Variants in CCSER1 observed in about 807,000 individuals in gnomAD.
CCSER1 encodes coiled-coil serine rich protein 1, also known as serine-rich coiled-coil domain-containing protein 1.
In CCSER1, 41 loss-of-function variants were observed where a neutral mutation model predicts 82.0. The ratio of observed to expected loss-of-function variants is 0.50; its 90% CI spans 0.39 to 0.65. The LOEUF (loss-of-function observed/expected upper bound fraction) is 0.65. Ranked by LOEUF, CCSER1 falls within the 30% of genes least tolerant of loss-of-function variation. The pLI, the probability that CCSER1 is intolerant of heterozygous loss-of-function variation, is 0.00. For missense variants in CCSER1, 1,119 were observed against 1,064.2 expected, an observed-to-expected ratio of 1.05 and a Z score of -0.72; for synonymous variants, 414 against 383.9, an observed-to-expected ratio of 1.08 and a Z score of -0.92.
intron 10 of CCSER1, among the ~76,000 whole-genome samples, chr4:91,224,594 T>G (rs147764078): frequency 1.2e-4 from 18 of 152,210 alleles, no homozygotes; most frequent in African/African-American, 4.1e-4. Context: ...TTATTTAATC[T>G]TATCTATATG....
chr4:91,460,461 C>A (rs1217306326), intron 10 of CCSER1, among the ~76,000 whole-genome samples: 1 of 152,002 alleles, frequency 6.6e-6, no homozygotes, highest in African/African-American at 2.4e-5. Flanking sequence ...CGATATGCCA[C>A]AAAGATTAGA....
At chr4:90,795,659 G>T (rs1205930166) in intron 7 of CCSER1, among the ~76,000 whole-genome samples, 1 of 152,074 alleles carries the variant, frequency 6.6e-6, no homozygotes, top group Admixed American at 6.6e-5. Context: ...ATTATTTTTA[G>T]GTATGTTCCT....
At chr4:90,807,983 C>T (rs1757745512) in intron 7 of CCSER1, among the ~76,000 whole-genome samples, 1 of 152,082 alleles carries the variant, frequency 6.6e-6, no homozygotes, top group Non-Finnish European at 1.5e-5. Context: ...CATCATATTA[C>T]TTCAAATTTT....
chr4:90,128,504 T>C (rs1312920343), intron 1 of CCSER1, among the ~76,000 whole-genome samples: 1 of 151,390 alleles, frequency 6.6e-6, no homozygotes, highest in African/African-American at 2.4e-5. Context: ...CGTGTGTGTG[T>C]GTGTGTGTGT....
chr4:91,326,307 T>C (rs942882434), intron 10 of CCSER1, among the ~76,000 whole-genome samples: 9 of 152,094 alleles, frequency 5.9e-5, no homozygotes, highest in Admixed American at 2.0e-4. Context: ...CTCAGGAAAC[T>C]TACAATCATG....
intron 5 of CCSER1, among the ~76,000 whole-genome samples, chr4:90,605,182 A>G (rs1414870674): frequency 6.6e-6 from 1 of 152,168 alleles, no homozygotes; most frequent in Non-Finnish European, 1.5e-5. Flanking sequence ...ATACGTTGGA[A>G]CATTAGAAGT....
At chr4:90,791,506 C>T (rs72663615) in intron 7 of CCSER1, among the ~76,000 whole-genome samples, 1 of 152,228 alleles carries the variant, frequency 6.6e-6, no homozygotes, top group Non-Finnish European at 1.5e-5. Context: ...GAGTACAACT[C>T]TTTGAAGGTT....
chr4:91,232,708 C>G (rs1044718682), intron 10 of CCSER1, among the ~76,000 whole-genome samples: 5 of 151,544 alleles, frequency 3.3e-5, no homozygotes, highest in Admixed American at 2.0e-4. Flanking sequence ...AAATAAAATA[C>G]TTGTATAAAG....
chr4:91,501,240 TTTTA>T (rs1354053950), intron 10 of CCSER1, among the ~76,000 whole-genome samples: 1 of 151,866 alleles, frequency 6.6e-6, no homozygotes, highest in Non-Finnish European at 1.5e-5. Flanking sequence ...TAGAATTTCT[TTTTA>T]TTTATGATCC....
intron 8 of CCSER1, among the ~76,000 whole-genome samples, chr4:90,835,664 C>CT (rs1445204574): frequency 1.3e-5 from 2 of 151,988 alleles, no homozygotes; most frequent in African/African-American, 4.8e-5. Context: ...ACATCTAATG[C>CT]TTTGTTCAAT....
intron 3 of CCSER1, among the ~76,000 whole-genome samples, chr4:90,363,424 G>A (rs1457792975): frequency 6.6e-6 from 1 of 152,072 alleles, no homozygotes; most frequent in Non-Finnish European, 1.5e-5. Context: ...ACATAAATTG[G>A]TGAATGAATA....
At chr4:91,034,214 T>C (rs1741236677) in intron 9 of CCSER1, among the ~76,000 whole-genome samples, 1 of 152,220 alleles carries the variant, frequency 6.6e-6, no homozygotes, top group African/African-American at 2.4e-5. Flanking sequence ...ACATTCAAGA[T>C]GATAGGAGGA....
At chr4:90,528,651 G>A (rs953318314) in intron 5 of CCSER1, among the ~76,000 whole-genome samples, 7 of 152,078 alleles carry the variant, frequency 4.6e-5, no homozygotes, top group Non-Finnish European at 1.0e-4. Context: ...ATGCTGTTTA[G>A]TTCTTTGTCT....
chr4:91,514,718 G>T (rs1054309842), intron 10 of CCSER1, among the ~76,000 whole-genome samples: 1 of 152,070 alleles, frequency 6.6e-6, no homozygotes, highest in Non-Finnish European at 1.5e-5. Context: ...AGGCACCATG[G>T]AGCACCAATG....
Position 90,308,755 on chromosome 4 carries a change from T to C in CCSER1, c.471T>C (p.Ser157=). 6.2e-7 allele frequency: 1 copy of C among 1,613,738 alleles called. No individual in the cohort carries two copies. Among genetic ancestry groups the C allele is most frequent in the South Asian group, 1.1e-5 (1 of 91,060 alleles). ...VFINCLSSGK[S]EGDDSGFTED... ...TAAATTGTCTAAGTTCTGGCAAAAGTGAAGGGGATGATTCTGGTTTCACAG... is the reference window on the plus strand; with the variant it reads ...TAAATTGTCTAAGTTCTGGCAAAAGCGAAGGGGATGATTCTGGTTTCACAG... Residue 157 remains serine (S), a synonymous_variant, in exon 2 of 11, where the codon AGT becomes AGC. Transcript: ENST00000509176.
At chr4:91,406,520 T>C (rs1300743515) in intron 10 of CCSER1, among the ~76,000 whole-genome samples, 1 of 152,194 alleles carries the variant, frequency 6.6e-6, no homozygotes. Flanking sequence ...CCACTGGGAC[T>C]CATCTGTTTG....
intron 10 of CCSER1, among the ~76,000 whole-genome samples, chr4:91,589,728 C>T (rs978495756): frequency 6.6e-6 from 1 of 151,920 alleles, no homozygotes; most frequent in African/African-American, 2.4e-5. Context: ...TTAGAAATCA[C>T]ATATTTCTGG....
At chr4:91,426,466 G>A (rs184305250) in intron 10 of CCSER1, among the ~76,000 whole-genome samples, 23 of 151,832 alleles carry the variant, frequency 1.5e-4, no homozygotes, top group African/African-American at 5.1e-4. Context: ...TCTCCACACT[G>A]TCTTCCACAA....
At chr4:90,572,232 T>C (rs1179624777) in intron 5 of CCSER1, among the ~76,000 whole-genome samples, 2 of 152,190 alleles carry the variant, frequency 1.3e-5, no homozygotes, top group Non-Finnish European at 1.5e-5. Context: ...GCTTGTAGTA[T>C]TGGAACTCCC....
Sources: allele counts gnomAD v4.1 joint callset (sites outside exome capture counted in the v4.1 genomes callset), GRCh38; gene constraint gnomAD v4.1.1; transcripts MANE v1.5; gene names NCBI Gene and HGNC (gene_info 2026-07-23, HGNC 2026-07-21).